HOMER2: variants seen among roughly 807,000 people sequenced by gnomAD.
HOMER2 encodes homer scaffold protein 2.
A neutral mutation model predicts 47.0 loss-of-function variants in HOMER2; 27 were observed. That is an observed-to-expected ratio of 0.57 (90% CI 0.42 to 0.79). HOMER2 has a LOEUF of 0.79. Among genes scored for constraint, HOMER2 ranks in the 30% least tolerant of loss-of-function variants. The pLI is 0.00. For missense variants in HOMER2, 443 were observed against 435.0 expected (o/e 1.02, Z -0.16); for synonymous variants, 161 against 163.8 (o/e 0.98, Z 0.13).
At chr15:82,847,326 G>T (rs1444015928), downstream of HOMER2, 1 of 152,258 alleles carries the variant, frequency 6.6e-6, no homozygotes, top group Non-Finnish European at 1.5e-5. Context: ...CAGTGCTTTT[G>T]TAAAAGCTGT....
At chr15:82,835,126 T>C (rs1015023817), downstream of HOMER2, 2 of 84,088 alleles carry the variant, frequency 2.4e-5, no homozygotes, top group Admixed American at 2.5e-4. Context: ...CCTACTTCAG[T>C]TTTTTTGTTT....
chr15:82,927,469 T>C (rs935568640), intron 1 of HOMER2, among the ~76,000 whole-genome samples: 2 of 152,216 alleles, frequency 1.3e-5, no homozygotes, highest in Admixed American at 6.5e-5. Context: ...TCCCAATTTC[T>C]ATAGCGATAA....
chr15:82,937,358 G>A (rs181048117), intron 1 of HOMER2, among the ~76,000 whole-genome samples: 4 of 152,306 alleles, frequency 2.6e-5, no homozygotes, highest in African/African-American at 9.6e-5. Flanking sequence ...CTGACTCTGG[G>A]CTGCTGCTGG....
chr15:82,910,212 A>G (rs568275632), intron 1 of HOMER2, among the ~76,000 whole-genome samples: 2 of 151,928 alleles, frequency 1.3e-5, no homozygotes, highest in Non-Finnish European at 2.9e-5. Context: ...AGTGACGGAC[A>G]TCTCAAATAC....
intron 3 of HOMER2, among the ~76,000 whole-genome samples, chr15:82,870,839 C>A (rs1488835290): frequency 6.6e-6 from 1 of 152,156 alleles, no homozygotes; most frequent in Non-Finnish European, 1.5e-5. Flanking sequence ...GCCAGATCAA[C>A]CATGGTGCAC....
chr15:82,852,170 A>T lies in HOMER2; in HGVS notation c.734T>A (p.Leu245Gln). The T allele has an allele frequency of 6.2e-7, 1 of 1,613,798 alleles. No homozygotes were observed. The highest frequency in any genetic ancestry group is 8.5e-7 in the Non-Finnish European group (1 of 1,179,768). ...NTQLKRRIEE[L>Q]EAELREKETE... is the part of the protein sequence containing the mutation. ...CTCCTTTTCTCGGAGCTCTGCCTCC[A>T]GCTCCTCGATCCTCCTCTTCAGCTG... Residue 245 changes from leucine to glutamine, a missense_variant, in exon 7 of 9, where the codon CTG becomes CAG. By Grantham distance (113) the Leu-to-Gln change is moderately radical. Coordinates refer to ENST00000450735, the MANE Select transcript of HOMER2 (RefSeq NM_004839.4).
At chr15:82,937,947 G>A (rs1214218958) in intron 1 of HOMER2, among the ~76,000 whole-genome samples, 1 of 152,108 alleles carries the variant, frequency 6.6e-6, no homozygotes, top group Non-Finnish European at 1.5e-5. Flanking sequence ...GGTCCCTGAA[G>A]GCTGTTCTCT....
chr15:82,852,432 C>A, intron 6 of HOMER2, 180 bp from the exon 7 acceptor site: 1 of 554,236 alleles, frequency 1.8e-6, no homozygotes, highest in East Asian at 3.3e-5. Context: ...GCTGCCTGCA[C>A]CGCTTGCATG....
downstream of HOMER2, chr15:82,846,295 C>T (rs2051246701): frequency 6.6e-6 from 1 of 152,226 alleles, no homozygotes; most frequent in Non-Finnish European, 1.5e-5. Context: ...GCCTCACAGG[C>T]AGAGACATCA....
chr15:82,965,936 A>G (rs2054670845), intron 1 of HOMER2, among the ~76,000 whole-genome samples: 1 of 152,164 alleles, frequency 6.6e-6, no homozygotes, highest in Admixed American at 6.5e-5. Context: ...ATTACAAAAA[A>G]TACAAAAATT....
chr15:82,978,326 A>G lies in HOMER2; in HGVS notation n.82+7461T>C, dbSNP rs138309762. On this transcript the variant is annotated intron_variant and non_coding_transcript_variant, in intron 1 of 1. Coordinates refer to the HOMER2 transcript ENST00000500334. The stretch of plus-strand genomic sequence containing the variant: ...GGATGTAAACAAATTACAATTCCTC[A>G]CAGGAATTCACTTCCTGTGATAAAT... Among the ~76,000 whole-genome samples the G allele has an allele frequency of 5.9e-5, 9 of 152,306 alleles. No individual in the cohort carries two copies. In the East Asian group the frequency reaches 1.7e-3, roughly 29 times the overall value.
chr15:82,845,261 C>CACACACACACACACACACAT (rs1159583287), downstream of HOMER2: 1 of 145,232 alleles, frequency 6.9e-6, no homozygotes, highest in African/African-American at 2.5e-5. Flanking sequence ...CACACACACA[C>CACACACACACACACACACAT]GCGTGCGCAC....
At chr15:82,841,523 TA>T (rs1260983919) in exon 2 of HOMER2, 66 of 47,310 alleles carry the variant, frequency 1.4e-3, no homozygotes, top group East Asian at 2.7e-3. Flanking sequence ...CTCTTCTAAG[TA>T]AAAAAAATTT....
chr15:82,846,619 ACTTTCT>A (rs59139509), downstream of HOMER2: 19,700 of 152,102 alleles, frequency 0.13, 1,643 homozygotes, highest in South Asian at 0.33. Context: ...TGGGCGTGTC[ACTTTCT>A]CTGTCTCTAC....
downstream of HOMER2, among the ~76,000 whole-genome samples, chr15:82,836,379 T>A (rs1325648804): frequency 1.3e-5 from 2 of 152,164 alleles, no homozygotes; most frequent in East Asian, 3.9e-4. Flanking sequence ...GACAAAACCC[T>A]CAGAGACTTG....
rs2051160078 is a variant in HOMER2 at position 82,839,970 on chromosome 15, G to C, written c.*7304C>G. On this transcript the variant is annotated 3_prime_UTR_variant, in exon 2 of 2. Coordinates refer to the HOMER2 transcript ENST00000558090. ...GACAAGGCAATAAAACTAGAAGTTT[G>C]TAAGAAATGCTAAAAAACAACAACA... is the stretch of plus-strand genomic sequence containing the variant. 2.6e-5 allele frequency: 4 copies of C among 152,102 alleles called. No individual in the cohort carries two copies. The South Asian group carries it at 8.3e-4, about 31-fold the overall frequency. The allele number at this position is 152,102 out of a possible 1,614,324, so 9.4% of individuals were successfully genotyped here. A position where few individuals can be genotyped will look rare whatever the true frequency, so the allele number is the denominator to read the frequency against.
chr15:82,914,880 C>T (rs968835259), intron 1 of HOMER2, among the ~76,000 whole-genome samples: 2 of 152,078 alleles, frequency 1.3e-5, no homozygotes, highest in Non-Finnish European at 2.9e-5. Flanking sequence ...CTGCAAAGGG[C>T]GTGCATTTAG....
chr15:82,894,824 C>CA (rs201306560), intron 1 of HOMER2, among the ~76,000 whole-genome samples: 19,949 of 128,820 alleles, frequency 0.15, 1,428 homozygotes, highest in East Asian at 0.31. Flanking sequence ...AGACAAGATA[C>CA]AAAAAAAAAA....
chr15:82,920,535 G>A (rs1018620266), intron 1 of HOMER2, among the ~76,000 whole-genome samples: 14 of 152,282 alleles, frequency 9.2e-5, no homozygotes, highest in African/African-American at 3.1e-4. Flanking sequence ...CTAGAGCTGC[G>A]TTCCTTGGCT....
Sources: gnomAD v4.1 joint callset for allele counts (sites outside exome capture counted in the v4.1 genomes callset) on GRCh38, gnomAD v4.1.1 for gene constraint, MANE v1.5 for transcripts, NCBI Gene and HGNC (gene_info 2026-07-23, HGNC 2026-07-21) for gene names.